The following SUPT6H variants were observed in gnomAD, a reference collection of about 807,000 sequenced individuals.
SUPT6H encodes SPT6 homolog, histone chaperone and transcription elongation factor, also known as transcription elongation factor SPT6.
SUPT6H carries 11 observed loss-of-function variants against 222.3 expected under a neutral mutation model. The observed-to-expected ratio is 0.05, with a 90% CI of 0.03 to 0.08. SUPT6H has a LOEUF of 0.08. Ranked by LOEUF, SUPT6H falls within the 10% of genes least tolerant of loss-of-function variation. The probability of loss-of-function intolerance (pLI) is 1.00; values close to 1 mark genes in which losing one functional copy is unlikely to be tolerated. For synonymous variants in SUPT6H, 762 were observed against 801.2 expected (o/e 0.95, Z 0.83); for missense variants, 1,422 against 2,216.0 (o/e 0.64, Z 7.19).
chr17:28,695,788 C>T (rs532917402), intron 29 of SUPT6H, among the ~76,000 whole-genome samples: 2 of 152,260 alleles, frequency 1.3e-5, no homozygotes, highest in Non-Finnish European at 2.9e-5. Context: ...TTTCAGTGTC[C>T]TAGGAGCCCA....
Position 28,701,452 on chromosome 17 carries a change from G to C in SUPT6H, c.5008G>C (p.Ala1670Pro), listed in dbSNP as rs1284549934. ...TTCCCCTCCCAGGTCCAACAGCCATGCAGCCATCGACTGGGGAAAAATGGC... is the reference window on the plus strand; with the variant it reads ...TTCCCCTCCCAGGTCCAACAGCCATCCAGCCATCGACTGGGGAAAAATGGC... ...RQQQPKSNSH[A>P]AIDWGKMAEQ... The change falls in exon 37 of 37, where the codon GCA (alanine) becomes CCA (proline). Residue 1670 changes from alanine to proline, a missense_variant. By Grantham distance (27) the Ala-to-Pro change is conservative. Coordinates refer to ENST00000314616, the MANE Select transcript of SUPT6H (RefSeq NM_003170.5). 1.2e-6 allele frequency: 2 copies of C among 1,614,100 alleles called. No homozygotes were observed. Among genetic ancestry groups the C allele is most frequent in the Non-Finnish European group, 1.7e-6 (2 of 1,179,994 alleles).
chr17:28,666,203 G>A (rs961425080), intron 1 of SUPT6H, among the ~76,000 whole-genome samples: 1 of 152,196 alleles, frequency 6.6e-6, no homozygotes, highest in African/African-American at 2.4e-5. Context: ...CTCAAAACCA[G>A]GTTAGGTTGT....
In SUPT6H at chr17:28,687,175, G is replaced by T. The variant is rs779907769; in HGVS notation, c.2788G>T (p.Val930Leu). ...IQDPLIEFAQVCSSDEDILCL... is the reference protein window; with the variant it reads ...IQDPLIEFAQLCSSDEDILCL... ...GGACCCTCTGATTGAATTTGCCCAGGTGTGCAGTTCCGATGAAGACATCCT... is the reference window on the plus strand; with the variant it reads ...GGACCCTCTGATTGAATTTGCCCAGTTGTGCAGTTCCGATGAAGACATCCT... Residue 930 changes from valine (V) to leucine (L), a missense_variant, in exon 22 of 37, where the codon GTG (valine) becomes TTG (leucine). Physicochemically the swap from Val to Leu is conservative, Grantham distance 32 (BLOSUM62 1). Around this residue, in one of 13 missense-constraint regions of SUPT6H, gnomAD observed 294 missense variants for 382.1 expected, o/e 0.77. Transcript: ENST00000314616. The T allele has an allele frequency of 7.4e-6, 12 of 1,613,998 alleles. No individual in the cohort carries two copies. Among genetic ancestry groups the T allele is most frequent in the Admixed American group, 1.7e-5 (1 of 59,998 alleles).
chr17:28,675,358 C>T (rs570906232), intron 5 of SUPT6H, 43 bp from the exon 6 acceptor site: 1 of 1,606,526 alleles, frequency 6.2e-7, no homozygotes, highest in Non-Finnish European at 8.5e-7. Context: ...AGTCCTGGCT[C>T]AGCCCCTGAC....
chr17:28,693,599 A>G (rs2031773242), intron 27 of SUPT6H, 97 bp from the exon 28 acceptor site: 6 of 1,432,738 alleles, frequency 4.2e-6, no homozygotes, highest in African/African-American at 1.4e-5. Flanking sequence ...CAAGGTGTCA[A>G]TGGTAAAAGA....
chr17:28,693,874 T>G, intron 28 of SUPT6H, 38 bp downstream of exon 28: 1 of 1,613,780 alleles, frequency 6.2e-7, no homozygotes, highest in Non-Finnish European at 8.5e-7. Context: ...AGTGCAATTT[T>G]CAGCTGCCCA....
Position 28,673,445 on chromosome 17 carries a change from A to G in SUPT6H, c.44A>G (p.Glu15Gly). 6.2e-7 allele frequency: 1 copy of G among 1,614,124 alleles called. No individual in the cohort carries two copies. The highest frequency in any genetic ancestry group is 8.5e-7 in the Non-Finnish European group (1 of 1,180,018). ...VESEAEESEEEYNDEGEVVPR... is the reference protein window; with the variant it reads ...VESEAEESEEGYNDEGEVVPR... The stretch of plus-strand genomic sequence containing the variant: ...AGCGAGGCTGAGGAGTCAGAGGAAG[A>G]ATACAATGATGAAGGCGAGGTGGTA... Residue 15 changes from glutamate (E) to glycine (G), a missense_variant, in exon 2 of 37, where the codon GAA becomes GGA. Coordinates refer to ENST00000314616, the MANE Select transcript of SUPT6H (RefSeq NM_003170.5).
At chr17:28,689,175 T>C (rs1267750483) in intron 24 of SUPT6H, 179 bp from the exon 25 acceptor site, 4 of 600,778 alleles carry the variant, frequency 6.7e-6, no homozygotes, top group Non-Finnish European at 1.2e-5. Flanking sequence ...ATCAATATAT[T>C]GTGGCCATCT....
intron 2 of SUPT6H, 56 bp downstream of exon 2, chr17:28,673,566 GGATTCTT>G: frequency 7.5e-7 from 1 of 1,338,536 alleles, no homozygotes; most frequent in Non-Finnish European, 1.1e-6. Flanking sequence ...TTGGATAGTT[GGATTCTT>G]GCTGATGAAA....
chr17:28,697,880 A>G (rs879423996), intron 31 of SUPT6H, 26 bp from the exon 32 acceptor site: 42 of 1,611,808 alleles, frequency 2.6e-5, no homozygotes, highest in Non-Finnish European at 3.3e-5. Flanking sequence ...TGCTATCCCA[A>G]CCTCTCCCCC....
At chr17:28,700,587 GC>G (rs1222032392) in intron 35 of SUPT6H, 75 bp downstream of exon 35, 1 of 1,540,484 alleles carries the variant, frequency 6.5e-7, no homozygotes, top group Non-Finnish European at 8.8e-7. Flanking sequence ...CCCACAAGGG[GC>G]TTCACATGCA....
chr17:28,678,003 T>G, intron 8 of SUPT6H, 73 bp from the exon 9 acceptor site: 1 of 1,476,050 alleles, frequency 6.8e-7, no homozygotes, highest in Non-Finnish European at 9.4e-7. Flanking sequence ...TATCCTTTGT[T>G]ATTAAGCAGT....
intron 28 of SUPT6H, 115 bp downstream of exon 28, chr17:28,693,951 T>G (rs1597717246): frequency 7.2e-7 from 1 of 1,386,250 alleles, no homozygotes; most frequent in Non-Finnish European, 9.9e-7. Context: ...TGGCTGCTGG[T>G]GGGAAGTGTT....
chr17:28,694,720 C>G (rs1007899086), intron 28 of SUPT6H, among the ~76,000 whole-genome samples: 1 of 152,164 alleles, frequency 6.6e-6, no homozygotes, highest in South Asian at 2.1e-4. Context: ...GGAAGTCAGG[C>G]CAGGCATGGC....
intron 32 of SUPT6H, among the ~76,000 whole-genome samples, chr17:28,699,484 C>T (rs1316348980): frequency 6.6e-6 from 1 of 152,156 alleles, no homozygotes; most frequent in Non-Finnish European, 1.5e-5. Flanking sequence ...GGATCTCGGT[C>T]TCACTTCACC....
intron 28 of SUPT6H, 37 bp downstream of exon 28, chr17:28,693,873 T>C: frequency 6.2e-7 from 1 of 1,613,792 alleles, no homozygotes; most frequent in Non-Finnish European, 8.5e-7. Context: ...TAGTGCAATT[T>C]TCAGCTGCCC....
chr17:28,686,857 G>A, intron 21 of SUPT6H, 68 bp downstream of exon 21: 1 of 1,526,880 alleles, frequency 6.5e-7, no homozygotes, highest in Non-Finnish European at 8.8e-7. Context: ...AGATTAAATT[G>A]GGAAACAAAA....
intron 1 of SUPT6H, among the ~76,000 whole-genome samples, chr17:28,666,281 G>C (rs1197904198): frequency 2.0e-5 from 3 of 152,228 alleles, no homozygotes; most frequent in Non-Finnish European, 4.4e-5. Flanking sequence ...ACTAAGGCCT[G>C]TGAGCCAAAT....
In SUPT6H at chr17:28,676,213, A is replaced by G; in HGVS notation, c.680A>G (p.Glu227Gly). The change falls in exon 7 of 37, where the codon GAG (glutamate) becomes GGG (glycine). Residue 227 changes from glutamate to glycine, a missense_variant. Physicochemically the swap from Glu to Gly is moderately conservative, Grantham distance 98. Coordinates refer to ENST00000314616, the MANE Select transcript of SUPT6H (RefSeq NM_003170.5). ...GTGGACTTTGACTATGATGAATTTG[A>G]GAAATACAATGAGTATGATGAAGAA... The part of the protein sequence containing the change: ...FGVDFDYDEF[E>G]KYNEYDEELE... 1.2e-6 allele frequency: 2 copies of G among 1,612,312 alleles called. No individual in the cohort carries two copies. The highest frequency in any genetic ancestry group is 1.7e-6 in the Non-Finnish European group (2 of 1,179,220).
Sources: gnomAD v4.1 joint callset for allele counts (sites outside exome capture counted in the v4.1 genomes callset) on GRCh38, gnomAD v4.1.1 for gene constraint, gnomAD v4.1.1 regional missense constraint, MANE v1.5 for transcripts, NCBI Gene and HGNC (gene_info 2026-07-23, HGNC 2026-07-21) for gene names.